RAB27B: variants seen among roughly 807,000 people sequenced by gnomAD.
The protein encoded by RAB27B is RAB27B, member RAS oncogene family, also known as ras-related protein Rab-27B.
In RAB27B, 15 loss-of-function variants were observed where a neutral mutation model predicts 24.6. The ratio of observed to expected loss-of-function variants is 0.61; its 90% CI spans 0.41 to 0.94. RAB27B has a LOEUF of 0.94. RAB27B is among the 40% of genes least tolerant of loss of function. RAB27B has a pLI of 0.00. For synonymous variants in RAB27B, 105 were observed against 92.5 expected, an observed-to-expected ratio of 1.14 and a Z score of -0.78; for missense variants, 261 against 266.8, an observed-to-expected ratio of 0.98 and a Z score of 0.15.
chr18:54,824,216 G>A (rs2145171918), upstream of RAB27B, among the ~76,000 whole-genome samples: 1 of 152,168 alleles, frequency 6.6e-6, no homozygotes, highest in East Asian at 1.9e-4. Context: ...TGAACAAAGT[G>A]GTATTCTATC....
At chr18:54,756,313 A>G (rs1908004589) in intron 2 of RAB27B, among the ~76,000 whole-genome samples, 1 of 152,176 alleles carries the variant, frequency 6.6e-6, no homozygotes, top group Admixed American at 6.6e-5. Flanking sequence ...AATCATTGCC[A>G]CCATTTCAGT....
rs547476362 is a variant in RAB27B, at chr18:54,840,944, C to T, written c.-20+12244C>T. ...CAGGCGGATCATGAGGTCAGGAGTT[C>T]GAGACCAGCCTGGCCAACATGGTGA... On this transcript the variant is annotated intron_variant, in intron 1 of 5. Transcript: ENST00000262094. Among the ~76,000 whole-genome samples the T allele has an allele frequency of 2.6e-4, 40 of 152,034 alleles. No homozygotes were observed. The East Asian group carries it at 7.3e-3, about 28-fold the overall frequency.
intron 1 of RAB27B, among the ~76,000 whole-genome samples, chr18:54,838,938 T>TA (rs1911000433): frequency 6.6e-6 from 1 of 152,178 alleles, no homozygotes; most frequent in African/African-American, 2.4e-5. Context: ...TGTGTTTTGT[T>TA]AGTAAGTAAG....
At chr18:54,781,319 A>G (rs1434187274) in intron 2 of RAB27B, among the ~76,000 whole-genome samples, 1 of 151,954 alleles carries the variant, frequency 6.6e-6, no homozygotes, top group African/African-American at 2.4e-5. Flanking sequence ...AAGAGAATAG[A>G]GGGCAGTGGG....
intron 1 of RAB27B, among the ~76,000 whole-genome samples, chr18:54,863,306 A>G (rs1912079862): frequency 6.6e-6 from 1 of 152,206 alleles, no homozygotes. Flanking sequence ...AATTTTTGAT[A>G]GAAATGTATT....
At chr18:54,773,969 C>T (rs1010084320) in intron 2 of RAB27B, among the ~76,000 whole-genome samples, 11 of 152,232 alleles carry the variant, frequency 7.2e-5, no homozygotes, top group African/African-American at 1.2e-4. Flanking sequence ...TGAGACATCG[C>T]GCCCGGCTGA....
intron 2 of RAB27B, among the ~76,000 whole-genome samples, chr18:54,814,394 A>G (rs1909773774): frequency 6.6e-6 from 1 of 152,194 alleles, no homozygotes. Flanking sequence ...GATTTAGCTC[A>G]AGGGAATAGG....
At chr18:54,719,224 G>A (rs1474887897) in intron 2 of RAB27B, among the ~76,000 whole-genome samples, 1 of 152,030 alleles carries the variant, frequency 6.6e-6, no homozygotes, top group Non-Finnish European at 1.5e-5. Context: ...ATATGTTTAA[G>A]TTTCTTGTAT....
chr18:54,890,966 TAAC>T lies in RAB27B; in HGVS notation c.*1556_*1558del, dbSNP rs1345569162. On this transcript the variant is annotated 3_prime_UTR_variant, in exon 6 of 6. Transcript: ENST00000262094. ...ATTTATTTCAGTCAATTTTACCAAA[TAAC>T]AAAGACAATATATTTTCGTTTTTTT... The T allele has an allele frequency of 7.4e-6, 1 of 135,780 alleles. No individual in the cohort carries two copies. The highest frequency in any genetic ancestry group is 1.6e-5 in the Non-Finnish European group (1 of 63,820). The allele number at this position is 135,780 out of a possible 1,614,324, so 8.4% of individuals were successfully genotyped here.
chr18:54,855,132 C>T (rs762624607), intron 1 of RAB27B, among the ~76,000 whole-genome samples: 11 of 152,162 alleles, frequency 7.2e-5, no homozygotes, highest in African/African-American at 1.2e-4. Flanking sequence ...TCATAAGAAG[C>T]GTGCAACCCA....
chr18:54,829,863 A>G (rs1910608133), intron 1 of RAB27B, among the ~76,000 whole-genome samples: 1 of 152,176 alleles, frequency 6.6e-6, no homozygotes, highest in Non-Finnish European at 1.5e-5. Flanking sequence ...ATAATCCTCT[A>G]CCCAGATGGG....
intron 2 of RAB27B, among the ~76,000 whole-genome samples, chr18:54,721,429 T>G (rs959177136): frequency 5.3e-5 from 8 of 152,220 alleles, no homozygotes; most frequent in Admixed American, 2.0e-4. Flanking sequence ...GATGTTTAAA[T>G]TGCAAATAAG....
intron 2 of RAB27B, among the ~76,000 whole-genome samples, chr18:54,822,670 GCTTA>G (rs1910347511): frequency 6.6e-6 from 1 of 151,920 alleles, no homozygotes; most frequent in Non-Finnish European, 1.5e-5. Flanking sequence ...TTTCCTATTT[GCTTA>G]GTTCTTATTT....
chr18:54,820,034 C>G (rs907112424), intron 2 of RAB27B, among the ~76,000 whole-genome samples: 5 of 152,088 alleles, frequency 3.3e-5, no homozygotes, highest in African/African-American at 9.7e-5. Flanking sequence ...GGACATATGG[C>G]TTGGTTCCAA....
chr18:54,735,598 C>T (rs1227454202), intron 2 of RAB27B, among the ~76,000 whole-genome samples: 5 of 152,122 alleles, frequency 3.3e-5, no homozygotes, highest in African/African-American at 7.2e-5. Flanking sequence ...CTGCAACCTC[C>T]GCCTCCTGGG....
chr18:54,887,868 G>C, intron 4 of RAB27B, 127 bp from the exon 5 acceptor site: 8 of 1,057,568 alleles, frequency 7.6e-6, no homozygotes, highest in Non-Finnish European at 1.1e-5. Flanking sequence ...GAAGTAACTT[G>C]GCCAATATAA....
At chr18:54,872,016 C>T (rs1006671306) in intron 1 of RAB27B, among the ~76,000 whole-genome samples, 24 of 152,106 alleles carry the variant, frequency 1.6e-4, no homozygotes, top group African/African-American at 5.3e-4. Flanking sequence ...GCCATCAACA[C>T]GTAACTGTAG....
intron 1 of RAB27B, among the ~76,000 whole-genome samples, chr18:54,861,416 C>G (rs1173809167): frequency 6.6e-6 from 1 of 152,170 alleles, no homozygotes; most frequent in Non-Finnish European, 1.5e-5. Flanking sequence ...ATCTGCTTCA[C>G]TGAGGGTGGC....
intron 2 of RAB27B, among the ~76,000 whole-genome samples, chr18:54,781,037 C>T (rs75851671): frequency 0.01 from 1,582 of 152,190 alleles, 31 homozygotes; most frequent in African/African-American, 0.036. Flanking sequence ...TGGGTCTCTT[C>T]CACCCACTGG....
Sources: gnomAD v4.1 joint callset for allele counts (sites outside exome capture counted in the v4.1 genomes callset) on GRCh38, gnomAD v4.1.1 for gene constraint, MANE v1.5 for transcripts, NCBI Gene and HGNC (gene_info 2026-07-23, HGNC 2026-07-21) for gene names.